Variants in KIF13B observed in about 807,000 individuals in gnomAD.
KIF13B encodes kinesin-like protein KIF13B.
A neutral mutation model predicts 222.0 loss-of-function variants in KIF13B; 127 were observed. That is an observed-to-expected ratio of 0.57 (90% CI 0.50 to 0.66). The LOEUF (loss-of-function observed/expected upper bound fraction) is 0.66, where lower values mean the gene tolerates loss of function less well. Ranked by LOEUF, KIF13B falls within the 30% of genes least tolerant of loss-of-function variation. The pLI, the probability that KIF13B is intolerant of heterozygous loss-of-function variation, is 0.00. For missense variants in KIF13B, 2,173 were observed against 2,379.0 expected (o/e 0.91, Z 1.80); for synonymous variants, 976 against 919.0 (o/e 1.06, Z -1.12).
intron 6 of KIF13B, among the ~76,000 whole-genome samples, chr8:29,184,548 C>T (rs938265323): frequency 2.0e-5 from 3 of 152,096 alleles, no homozygotes; most frequent in Non-Finnish European, 4.4e-5. Context: ...CAATAGGTAA[C>T]AAGTAGAGGA....
chr8:29,193,528 T>C (rs1266720725), intron 3 of KIF13B, among the ~76,000 whole-genome samples: 1 of 152,240 alleles, frequency 6.6e-6, no homozygotes, highest in East Asian at 1.9e-4. Context: ...AATTCTGTTC[T>C]TAATAAGGCT....
intron 17 of KIF13B, 129 bp downstream of exon 17, chr8:29,147,263 T>G: frequency 1.4e-6 from 1 of 711,806 alleles, no homozygotes; most frequent in Non-Finnish European, 2.3e-6. Context: ...TCTTGGCTGT[T>G]AACACTTATC....
rs989551082 is a variant in KIF13B, at chr8:29,118,057, T to C, written c.3660+811A>G. Among the ~76,000 whole-genome samples, 15 of 151,220 alleles carry C rather than the reference T, an allele frequency of 9.9e-5. No homozygotes were observed. The East Asian group carries it at 2.0e-3, about 20-fold the overall frequency. On this transcript the variant is annotated intron_variant, in intron 30 of 39. Transcript: ENST00000524189. ...CCTGTACTCACAGCTACTTGGGATA[T>C]TGAGGCAAGAGGATCACTTGAACCC... is the stretch of plus-strand genomic sequence containing the variant.
chr8:29,194,812 G>A (rs1813345998), intron 3 of KIF13B, among the ~76,000 whole-genome samples: 2 of 152,160 alleles, frequency 1.3e-5, no homozygotes, highest in South Asian at 2.1e-4. Context: ...GAGCTGAGGT[G>A]TTTAACCTCC....
intron 2 of KIF13B, among the ~76,000 whole-genome samples, chr8:29,202,563 T>A (rs1813743246): frequency 6.6e-6 from 1 of 152,146 alleles, no homozygotes; most frequent in Non-Finnish European, 1.5e-5. Flanking sequence ...GTGATCTGCC[T>A]ACCTCAGCCT....
At chr8:29,094,668 C>A (rs1010543037) in intron 36 of KIF13B, among the ~76,000 whole-genome samples, 1 of 151,820 alleles carries the variant, frequency 6.6e-6, no homozygotes, top group African/African-American at 2.4e-5. Context: ...TAAATATGAC[C>A]CACGGTCAAC....
intron 35 of KIF13B, among the ~76,000 whole-genome samples, chr8:29,104,050 A>G (rs184649247): frequency 6.7e-6 from 1 of 149,318 alleles, no homozygotes; most frequent in East Asian, 2.0e-4. Flanking sequence ...TTCCTAAAAC[A>G]CTCCTCCCCT....
intron 2 of KIF13B, among the ~76,000 whole-genome samples, chr8:29,228,902 A>G (rs1815160696): frequency 1.3e-5 from 2 of 152,096 alleles, no homozygotes; most frequent in African/African-American, 2.4e-5. Context: ...TCAGTTCATA[A>G]CACTCCCACA....
At chr8:29,112,289 T>C (rs1809393388) in intron 32 of KIF13B, among the ~76,000 whole-genome samples, 1 of 151,852 alleles carries the variant, frequency 6.6e-6, no homozygotes, top group African/African-American at 2.4e-5. Flanking sequence ...AAAAATTAGC[T>C]GGGCGTGGTG....
At chr8:29,233,983 T>G (rs2130599732) in intron 2 of KIF13B, among the ~76,000 whole-genome samples, 1 of 152,380 alleles carries the variant, frequency 6.6e-6, no homozygotes, top group South Asian at 2.1e-4. Flanking sequence ...AATAATGTAT[T>G]AATTTGAACA....
rs545939967 is a variant in KIF13B, at chr8:29,078,747, G to A, written c.4459-3404C>T. Reference sequence around the variant, plus strand: ...CTACAGAAACCGAGGCTCAGAGAGCGTTTACCTAATGGTTAAATGTATTCA... The same window carrying A: ...CTACAGAAACCGAGGCTCAGAGAGCATTTACCTAATGGTTAAATGTATTCA... On this transcript the variant is annotated intron_variant, in intron 37 of 39. Transcript: ENST00000524189. 2.6e-4 allele frequency among the ~76,000 whole-genome samples: 40 copies of A among 152,342 alleles called. No homozygotes were observed. The South Asian group carries it at 3.3e-3, about 13-fold the overall frequency.
chr8:29,224,701 T>C (rs187063737), intron 2 of KIF13B, among the ~76,000 whole-genome samples: 14 of 150,986 alleles, frequency 9.3e-5, no homozygotes, highest in Non-Finnish European at 1.6e-4. Context: ...AGAATCCCTA[T>C]TCTAGAGCAT....
rs550343661 is a variant in KIF13B, at chr8:29,075,479, C to A, written c.4459-136G>T. 22 of 705,408 alleles carry A rather than the reference C, an allele frequency of 3.1e-5. No homozygotes were observed. The African/African-American group carries it at 3.6e-4, about 12-fold the overall frequency. The allele number at this position is 705,408 out of a possible 1,614,324, so 43.7% of individuals were successfully genotyped here. The stretch of plus-strand genomic sequence containing the variant: ...ATCAGGTGTGCGAGTGTGAGGGGCT[C>A]CACACCCTCCAAGGAACAAGGGACC... On this transcript the variant is annotated intron_variant, in intron 37 of 39. Transcript: ENST00000524189.
At chr8:29,173,356 T>C (rs953367353) in intron 10 of KIF13B, among the ~76,000 whole-genome samples, 20 of 151,556 alleles carry the variant, frequency 1.3e-4, no homozygotes, top group Non-Finnish European at 1.3e-4. Context: ...GCATGGTGAC[T>C]CACAACTGTA....
At chr8:29,207,280 T>C (rs1462816195) in intron 2 of KIF13B, among the ~76,000 whole-genome samples, 1 of 152,178 alleles carries the variant, frequency 6.6e-6, no homozygotes, top group African/African-American at 2.4e-5. Context: ...CCAGGGTGCC[T>C]TTCCCATTGT....
chr8:29,258,439 C>A (rs1816564759), intron 1 of KIF13B, among the ~76,000 whole-genome samples: 1 of 152,178 alleles, frequency 6.6e-6, no homozygotes, highest in African/African-American at 2.4e-5. Flanking sequence ...AAGCCCCATA[C>A]AAGGTCCCAA....
intron 17 of KIF13B, among the ~76,000 whole-genome samples, chr8:29,146,926 G>T (rs1442233495): frequency 3.3e-5 from 5 of 152,194 alleles, no homozygotes; most frequent in Non-Finnish European, 5.9e-5. Flanking sequence ...ATAGTATGAG[G>T]TTAGTGAAGT....
At chr8:29,262,912 G>T in intron 1 of KIF13B, 68 bp downstream of exon 1, 1 of 1,361,536 alleles carries the variant, frequency 7.3e-7, no homozygotes, top group Admixed American at 2.5e-5. Context: ...CCCCACGGCG[G>T]CCGAGGGAAG....
At chr8:29,169,890 C>T (rs148971712) in intron 10 of KIF13B, among the ~76,000 whole-genome samples, 4 of 152,344 alleles carry the variant, frequency 2.6e-5, no homozygotes, top group Non-Finnish European at 4.4e-5. Context: ...TGTCAGCCCA[C>T]GTGAACAGCA....
Sources: gnomAD v4.1 joint callset for allele counts (sites outside exome capture counted in the v4.1 genomes callset) on GRCh38, gnomAD v4.1.1 for gene constraint, MANE v1.5 for transcripts, NCBI Gene and HGNC (gene_info 2026-07-23, HGNC 2026-07-21) for gene names.